Variants in USP54 observed in about 807,000 individuals in gnomAD.
USP54 encodes the protein ubiquitin specific peptidase 54, also known as ubiquitin carboxyl-terminal hydrolase 54.
Under a neutral mutation model 170.5 loss-of-function variants are expected in USP54, and 87 were observed. That is an observed-to-expected ratio of 0.51 (90% CI 0.43 to 0.61). The LOEUF (loss-of-function observed/expected upper bound fraction) is 0.61, where lower values mean the gene tolerates loss of function less well. USP54 is among the 20% of genes least tolerant of loss of function. USP54 has a pLI of 0.00. For synonymous variants in USP54, 655 were observed against 742.8 expected, an observed-to-expected ratio of 0.88 and a Z score of 1.92; for missense variants, 1,786 against 2,047.8, an observed-to-expected ratio of 0.87 and a Z score of 2.47.
intron 1 of USP54, among the ~76,000 whole-genome samples, chr10:73,612,893 C>T (rs1489776789): frequency 6.7e-6 from 1 of 149,302 alleles, no homozygotes; most frequent in Non-Finnish European, 1.5e-5. Context: ...TGGTGGCACA[C>T]ACCTGTTATC....
rs1358242370 is a variant in USP54, at chr10:73,529,789, G to A, written c.1951C>T (p.His651Tyr). Residue 651 changes from histidine to tyrosine, a missense_variant, in exon 15 of 24, where the codon CAC becomes TAC. Transcript: ENST00000687698. ...TCCATTCGCTGGATTAGTCGGGGGTGCTGCTCTAAAAGGTGAGAGCCTGGC... is the reference window on the plus strand; with the variant it reads ...TCCATTCGCTGGATTAGTCGGGGGTACTGCTCTAAAAGGTGAGAGCCTGGC... ...ARPGSHLLEQ[H>Y]PRLIQRMESG... The A allele has an allele frequency of 6.2e-7, 1 of 1,613,816 alleles. No homozygotes were observed. The highest frequency in any genetic ancestry group is 8.5e-7 in the Non-Finnish European group (1 of 1,179,788).
At chr10:73,533,984 G>A (rs1449451853) in intron 12 of USP54, among the ~76,000 whole-genome samples, 1 of 152,138 alleles carries the variant, frequency 6.6e-6, no homozygotes, top group Non-Finnish European at 1.5e-5. Flanking sequence ...GATACTACGG[G>A]AATCAAGAGT....
At chr10:73,534,474 C>T in intron 12 of USP54, 126 bp downstream of exon 12, 1 of 1,151,080 alleles carries the variant, frequency 8.7e-7, no homozygotes, top group South Asian at 1.8e-5. Flanking sequence ...GGCCGCCCGC[C>T]TCGGCCTCCC....
At chr10:73,540,784 AG>A (rs2066459170) in intron 9 of USP54, among the ~76,000 whole-genome samples, 2 of 152,158 alleles carry the variant, frequency 1.3e-5, no homozygotes, top group Admixed American at 1.3e-4. Context: ...CAGCCTACTC[AG>A]GTAAGATTCC....
intron 20 of USP54, 35 bp downstream of exon 20, chr10:73,516,340 T>G (rs764339354): frequency 6.4e-7 from 1 of 1,567,610 alleles, no homozygotes. Context: ...TATATGATCC[T>G]CCCCCCTCCC....
At chr10:73,552,087 G>A (rs2069525571) in intron 4 of USP54, among the ~76,000 whole-genome samples, 1 of 152,166 alleles carries the variant, frequency 6.6e-6, no homozygotes, top group Non-Finnish European at 1.5e-5. Flanking sequence ...TAAGAGACTG[G>A]ATTCTGGAGC....
At chr10:73,578,400 GGTTTT>G (rs530651497) in intron 1 of USP54, among the ~76,000 whole-genome samples, 86 of 152,012 alleles carry the variant, frequency 5.7e-4, no homozygotes, top group African/African-American at 1.1e-3. Flanking sequence ...TTGTTTTTTG[GGTTTT>G]GTTTTGTTTT....
rs530616694 is a variant in USP54 at position 73,498,564 on chromosome 10, G to A, written c.*65C>T. 137 of 1,459,736 alleles carry A rather than the reference G, an allele frequency of 9.4e-5. No individual in the cohort carries two copies. The African/African-American group carries it at 1.3e-3, about 14-fold the overall frequency. 90.4% of individuals were successfully genotyped at this position (1,459,736 alleles called of 1,614,324 possible). ...GCTGGGATTACAGGTGTGAGCCACC[G>A]CGCCCGGCCCACAGTACAGTTTTAC... is the stretch of plus-strand genomic sequence containing the variant. On this transcript the variant is annotated 3_prime_UTR_variant, in exon 24 of 24. Transcript: ENST00000687698.
upstream of USP54, chr10:73,625,720 C>G (rs1223281220): frequency 6.5e-6 from 1 of 152,786 alleles, no homozygotes; most frequent in Admixed American, 6.6e-5. Flanking sequence ...ACACCCGGGT[C>G]CCTCCCCCTG....
chr10:73,530,757 C>A lies in USP54; in HGVS notation c.1394G>T (p.Gly465Val), dbSNP rs1218175265. The change falls in exon 13 of 24, where the codon GGT becomes GTT. Residue 465 changes from glycine (G) to valine (V), a missense_variant. Physicochemically the swap from Gly to Val is moderately radical, Grantham distance 109. This residue lies in a region of USP54 where 1,418 missense variants were observed against 1,569.0 expected (regional missense o/e 0.90). Coordinates refer to ENST00000687698, the MANE Select transcript of USP54 (RefSeq NM_001391956.1). The part of the protein sequence containing the change: ...GSLIERKRSS[G>V]RVRRKGDEPQ... ...CTCATCGCCTTTCCTCCTAACCCGA[C>A]CAGAGCTCCTCTTGCGCTCTATCAG... 2 of 1,614,116 alleles carry A rather than the reference C, an allele frequency of 1.2e-6. No homozygotes were observed. Among genetic ancestry groups the A allele is most frequent in the Non-Finnish European group, 1.7e-6 (2 of 1,179,992 alleles).
chr10:73,538,935 C>T (rs1252041638), intron 10 of USP54, among the ~76,000 whole-genome samples: 1 of 152,042 alleles, frequency 6.6e-6, no homozygotes, highest in African/African-American at 2.4e-5. Flanking sequence ...TAGCCATCTT[C>T]AGGGGAAGAC....
At chr10:73,593,599 A>T (rs184299545), upstream of USP54, among the ~76,000 whole-genome samples, 39 of 152,342 alleles carry the variant, frequency 2.6e-4, no homozygotes, top group Non-Finnish European at 4.7e-4. Flanking sequence ...CATATTTTTC[A>T]AGTACTTTGC....
chr10:73,613,654 G>A (rs1185057081), intron 1 of USP54, among the ~76,000 whole-genome samples: 1 of 151,260 alleles, frequency 6.6e-6, no homozygotes, highest in Non-Finnish European at 1.5e-5. Flanking sequence ...GAGGCAGGCC[G>A]ACCACCTGAG....
Position 73,576,068 on chromosome 10 carries a change from A to G in USP54, c.-288T>C, listed in dbSNP as rs2076073138. 6.5e-6 allele frequency: 1 copy of G among 152,920 alleles called. No individual in the cohort carries two copies. The highest frequency in any genetic ancestry group is 1.5e-5 in the Non-Finnish European group (1 of 68,546). 9.5% of individuals were successfully genotyped at this position (152,920 alleles called of 1,614,324 possible). ...GGCTTGTTGATAATGCTTCTTATGG[A>G]CTGAAGATTTTTCCAACTGGAAGGA... On this transcript the variant is annotated 5_prime_UTR_variant, in exon 2 of 24. Coordinates refer to ENST00000687698, the MANE Select transcript of USP54 (RefSeq NM_001391956.1).
intron 17 of USP54, among the ~76,000 whole-genome samples, chr10:73,522,531 G>GA (rs1296852035): frequency 6.6e-6 from 1 of 151,684 alleles, no homozygotes; most frequent in Non-Finnish European, 1.5e-5. Flanking sequence ...GGCAGAGAGA[G>GA]AAAAAAAGGA....
chr10:73,542,632 G>A (rs540857977), intron 7 of USP54, among the ~76,000 whole-genome samples, 171 bp downstream of exon 7: 89 of 152,080 alleles, frequency 5.9e-4, no homozygotes, highest in Middle Eastern at 3.4e-3. Flanking sequence ...TTGGGAGATG[G>A]AGGCAGGAGA....
chr10:73,615,623 A>G (rs2080558281), intron 1 of USP54, among the ~76,000 whole-genome samples: 1 of 150,276 alleles, frequency 6.7e-6, no homozygotes, highest in East Asian at 1.9e-4. Context: ...AAAATAAAAT[A>G]TTTTTTTAAA....
At chr10:73,582,340 C>T (rs543703560) in intron 1 of USP54, among the ~76,000 whole-genome samples, 1 of 151,990 alleles carries the variant, frequency 6.6e-6, no homozygotes, top group Admixed American at 6.5e-5. Context: ...GCCTGGGAAC[C>T]CTTTGATAAA....
intron 20 of USP54, among the ~76,000 whole-genome samples, chr10:73,507,717 G>T (rs2059416389): frequency 6.6e-6 from 1 of 151,120 alleles, no homozygotes; most frequent in Non-Finnish European, 1.5e-5. Flanking sequence ...GCTGGCCGTG[G>T]TAGCTCATGC....
Sources: gnomAD v4.1 joint callset for allele counts (sites outside exome capture counted in the v4.1 genomes callset) on GRCh38, gnomAD v4.1.1 for gene constraint, gnomAD v4.1.1 regional missense constraint, MANE v1.5 for transcripts, NCBI Gene and HGNC (gene_info 2026-07-23, HGNC 2026-07-21) for gene names.